RBM27: variants seen among roughly 807,000 people sequenced by gnomAD.
RBM27 encodes the protein RNA binding motif protein 27, also known as RNA-binding protein 27.
In RBM27, 22 loss-of-function variants were observed where a neutral mutation model predicts 135.3. The ratio of observed to expected loss-of-function variants is 0.16; its 90% CI spans 0.12 to 0.23. The LOEUF is 0.23. Ranked by LOEUF, RBM27 falls within the 10% of genes least tolerant of loss-of-function variation. RBM27 has a pLI of 1.00. For missense variants in RBM27, 1,009 were observed against 1,281.0 expected (o/e 0.79, Z 3.24); for synonymous variants, 481 against 442.4 (o/e 1.09, Z -1.10).
chr5:146,216,275 G>C (rs1279966917), intron 1 of RBM27, among the ~76,000 whole-genome samples: 1 of 152,014 alleles, frequency 6.6e-6, no homozygotes, highest in East Asian at 1.9e-4. Context: ...GGACTCAAGC[G>C]ATTCCCCACA....
intron 2 of RBM27, among the ~76,000 whole-genome samples, chr5:146,223,193 A>G (rs1756529353): frequency 6.6e-6 from 1 of 152,120 alleles, no homozygotes; most frequent in Admixed American, 6.5e-5. Context: ...TATATCCTCC[A>G]ACAAATAATC....
intron 11 of RBM27, among the ~76,000 whole-genome samples, chr5:146,259,419 G>A (rs955069158): frequency 8.8e-5 from 13 of 148,036 alleles, no homozygotes; most frequent in Admixed American, 3.4e-4. Context: ...CAGGAGAATC[G>A]CTGGAACCTG....
intron 14 of RBM27, among the ~76,000 whole-genome samples, chr5:146,266,347 A>G (rs1243976974): frequency 6.6e-6 from 1 of 152,232 alleles, no homozygotes; most frequent in Non-Finnish European, 1.5e-5. Flanking sequence ...GAGGGAAACT[A>G]TGAAGTAAAG....
chr5:146,229,594 G>T, intron 4 of RBM27, 123 bp from the exon 5 acceptor site: 1 of 735,906 alleles, frequency 1.4e-6, no homozygotes, highest in Non-Finnish European at 2.1e-6. Flanking sequence ...TGGTAGATTT[G>T]CAACTTTCTA....
At chr5:146,276,176 A>G (rs1219861055) in intron 19 of RBM27, among the ~76,000 whole-genome samples, 1 of 150,784 alleles carries the variant, frequency 6.6e-6, no homozygotes, top group African/African-American at 2.4e-5. Context: ...CCACCTCTCC[A>G]GTTTTTTTTT....
intron 1 of RBM27, among the ~76,000 whole-genome samples, chr5:146,209,242 T>C (rs190682147): frequency 6.6e-6 from 1 of 152,154 alleles, no homozygotes; most frequent in Non-Finnish European, 1.5e-5. Context: ...TCTGCAAAAG[T>C]ATTTTGCTTA....
intron 2 of RBM27, among the ~76,000 whole-genome samples, chr5:146,221,762 A>C (rs1224515077): frequency 6.6e-6 from 1 of 152,190 alleles, no homozygotes; most frequent in East Asian, 1.9e-4. Context: ...AATTTTAATT[A>C]ATTTAAACTC....
At chr5:146,285,375 C>A (rs1032686529) in intron 20 of RBM27, among the ~76,000 whole-genome samples, 1 of 152,064 alleles carries the variant, frequency 6.6e-6, no homozygotes, top group Non-Finnish European at 1.5e-5. Context: ...AGTGTCTTCT[C>A]ACTATATAGG....
rs538252635 is a variant in RBM27, at chr5:146,234,770, A to G, written c.1144+1027A>G. On this transcript the variant is annotated intron_variant, in intron 7 of 20. Transcript: ENST00000265271. ...CAAATTAGGCTGGGCATGGTGGGTC[A>G]TATCTGTAATCCCAGCACTTTGGGA... Among the ~76,000 whole-genome samples the G allele has an allele frequency of 3.3e-5, 5 of 152,212 alleles. No homozygotes were observed. The South Asian group carries it at 6.2e-4, about 19-fold the overall frequency.
chr5:146,221,094 G>A (rs1041485257), intron 2 of RBM27, among the ~76,000 whole-genome samples: 5 of 150,032 alleles, frequency 3.3e-5, no homozygotes, highest in African/African-American at 4.9e-5. Flanking sequence ...GGTGGTGGGC[G>A]CCTGTAGTCC....
intron 1 of RBM27, 84 bp from the exon 2 acceptor site, chr5:146,218,901 C>T: frequency 4.9e-6 from 4 of 808,728 alleles, no homozygotes; most frequent in Non-Finnish European, 7.5e-6. Context: ...TCTCGTTTTC[C>T]AAAATAAGGG....
chr5:146,264,213 T>C (rs896975881), intron 14 of RBM27, among the ~76,000 whole-genome samples: 3 of 152,188 alleles, frequency 2.0e-5, no homozygotes, highest in Non-Finnish European at 4.4e-5. Context: ...GACAGAGTTT[T>C]GCTCTTGTTG....
chr5:146,271,055 T>C lies in RBM27; in HGVS notation c.2793T>C (p.Val931=). 1 of 1,608,998 alleles carries C rather than the reference T, an allele frequency of 6.2e-7. No homozygotes were observed. Among genetic ancestry groups the C allele is most frequent in the Non-Finnish European group, 8.5e-7 (1 of 1,175,676 alleles). ...GGAAAAAACTCAGTCAGTTACAGGT[T>C]GAGGTGAGATTTAAAAGGAGTTAGC... ...ELRKKLSQLQ[V]EAARLGILPV... The change falls in exon 18 of 21, where the codon GTT becomes GTC. Residue 931 remains valine, a synonymous_variant. Coordinates refer to ENST00000265271, the MANE Select transcript of RBM27 (RefSeq NM_018989.2).
intron 9 of RBM27, among the ~76,000 whole-genome samples, chr5:146,253,853 C>T (rs1757998458): frequency 6.6e-6 from 1 of 152,066 alleles, no homozygotes; most frequent in African/African-American, 2.4e-5. Context: ...ACTCAAATGC[C>T]TGTAGTGGCC....
chr5:146,269,220 TACA>T lies in RBM27; in HGVS notation c.2470_2472del (p.Gln824del), dbSNP rs1371246084. Reference sequence around the variant, plus strand: ...TTACTTATACAGGAAGCAATGAAGTTACAACAAGATATGAGGAAAAAAAGACAG... The same window carrying T: ...TTACTTATACAGGAAGCAATGAAGTTACAAGATATGAGGAAAAAAAGACAG... On this transcript the variant is annotated inframe_deletion, in exon 16 of 21. Coordinates refer to ENST00000265271, the MANE Select transcript of RBM27 (RefSeq NM_018989.2). 4 of 1,605,656 alleles carry T rather than the reference TACA, an allele frequency of 2.5e-6. No homozygotes were observed. Among genetic ancestry groups the T allele is most frequent in the Non-Finnish European group, 3.4e-6 (4 of 1,174,658 alleles).
intron 8 of RBM27, among the ~76,000 whole-genome samples, chr5:146,239,854 T>G (rs1757329297): frequency 1.3e-5 from 2 of 149,732 alleles, no homozygotes; most frequent in Non-Finnish European, 3.0e-5. Flanking sequence ...CTTGGCTCAC[T>G]GCAGCCTTGA....
intron 8 of RBM27, chr5:146,245,216 G>T (rs975586272): frequency 1.3e-5 from 2 of 151,640 alleles, no homozygotes; most frequent in African/African-American, 4.8e-5. Flanking sequence ...GGAGACCAGA[G>T]AACTTGCTAG....
At chr5:146,254,761 C>G (rs1758037250) in intron 9 of RBM27, among the ~76,000 whole-genome samples, 182 bp from the exon 10 acceptor site, 1 of 152,100 alleles carries the variant, frequency 6.6e-6, no homozygotes, top group East Asian at 1.9e-4. Flanking sequence ...AACATTTGTG[C>G]ATTTTTATAT....
intron 10 of RBM27, among the ~76,000 whole-genome samples, chr5:146,256,117 A>G (rs1362900610): frequency 6.6e-6 from 1 of 151,024 alleles, no homozygotes; most frequent in African/African-American, 2.4e-5. Flanking sequence ...TGGCCTCTCA[A>G]AGTGCTGGTA....
Sources: allele counts gnomAD v4.1 joint callset (sites outside exome capture counted in the v4.1 genomes callset), GRCh38; gene constraint gnomAD v4.1.1; transcripts MANE v1.5; gene names NCBI Gene and HGNC (gene_info 2026-07-23, HGNC 2026-07-21).